DLC1: variants seen among roughly 807,000 people sequenced by gnomAD.
The protein encoded by DLC1 is DLC1 Rho GTPase activating protein.
In DLC1, 54 loss-of-function variants were observed where a neutral mutation model predicts 140.3. That is an observed-to-expected ratio of 0.38 (90% CI 0.31 to 0.48). DLC1 has a LOEUF of 0.48. Among genes scored for constraint, DLC1 ranks in the 20% least tolerant of loss-of-function variants. The pLI is 0.96. For missense variants in DLC1, 2,536 were observed against 1,907.0 expected (o/e 1.33, Z -6.14); for synonymous variants, 986 against 728.1 (o/e 1.35, Z -5.70).
At chr8:13,364,524 C>T (rs1835390704) in intron 4 of DLC1, among the ~76,000 whole-genome samples, 1 of 152,072 alleles carries the variant, frequency 6.6e-6, no homozygotes, top group Admixed American at 6.6e-5. Flanking sequence ...CTCGAACTCC[C>T]AACCTCAGGT....
chr8:13,228,324 G>A (rs976752114), intron 5 of DLC1, among the ~76,000 whole-genome samples: 1 of 150,460 alleles, frequency 6.6e-6, no homozygotes, highest in South Asian at 2.1e-4. Flanking sequence ...ACACTTAGCA[G>A]GGAACATCTA....
chr8:13,427,514 G>C (rs2117376295), intron 2 of DLC1, among the ~76,000 whole-genome samples: 1 of 152,274 alleles, frequency 6.6e-6, no homozygotes, highest in East Asian at 1.9e-4. Flanking sequence ...CCCTGGATCT[G>C]TTTCTGTCTC....
At chr8:13,385,801 G>A (rs1359282765) in intron 4 of DLC1, among the ~76,000 whole-genome samples, 1 of 152,146 alleles carries the variant, frequency 6.6e-6, no homozygotes, top group Non-Finnish European at 1.5e-5. Flanking sequence ...GACTTTAACT[G>A]TCTTTAAGAC....
chr8:13,182,259 A>G lies in DLC1; in HGVS notation c.1349-66602T>C, dbSNP rs960564533. On this transcript the variant is annotated intron_variant, in intron 5 of 17. Coordinates refer to ENST00000276297, the MANE Select transcript of DLC1 (RefSeq NM_182643.3). ...GGGTAGATTGCAAAAATTTTCTCTT[A>G]TTCTGTAGGTTGCCTATTCACTCTG... is the stretch of plus-strand genomic sequence containing the variant. Among the ~76,000 whole-genome samples, 4 of 151,496 alleles carry G rather than the reference A, an allele frequency of 2.6e-5. No homozygotes were observed. The East Asian group carries it at 7.8e-4, about 29-fold the overall frequency.
At chr8:13,346,034 T>C (rs1161158700) in intron 4 of DLC1, among the ~76,000 whole-genome samples, 4 of 152,220 alleles carry the variant, frequency 2.6e-5, no homozygotes. Context: ...TTTTGCACTG[T>C]GCATTTGTCG....
intron 1 of DLC1, among the ~76,000 whole-genome samples, chr8:13,601,959 A>C (rs1466754562): frequency 6.6e-6 from 1 of 151,820 alleles, no homozygotes; most frequent in Non-Finnish European, 1.5e-5. Flanking sequence ...TTTCCAATTA[A>C]AATATATGGC....
rs747457472 is a variant in DLC1 at position 13,100,050 on chromosome 8, G to A, written c.2287C>T (p.Arg763Trp). ...CGCTTGTTGCACGCACTGAGGCTCCGGGTCCTCGTAACAGGGCTGGGCGTG... is the reference window on the plus strand; with the variant it reads ...CGCTTGTTGCACGCACTGAGGCTCCAGGTCCTCGTAACAGGGCTGGGCGTG... ...VSTPSPVTRT[R>W]SLSACNKRVG... is the part of the protein sequence containing the mutation. Residue 763 changes from arginine to tryptophan, a missense_variant, in exon 9 of 18, where the codon CGG (arginine) becomes TGG (tryptophan). Physicochemically the swap from Arg to Trp is moderately radical, Grantham distance 101. Coordinates refer to ENST00000276297, the MANE Select transcript of DLC1 (RefSeq NM_182643.3). 3.2e-5 allele frequency: 51 copies of A among 1,613,036 alleles called. 1 individual carries two copies. In the South Asian group the frequency reaches 5.1e-4, roughly 16 times the overall value.
intron 4 of DLC1, among the ~76,000 whole-genome samples, chr8:13,332,677 C>T (rs1833647509): frequency 6.6e-6 from 1 of 152,098 alleles, no homozygotes; most frequent in African/African-American, 2.4e-5. Context: ...AAGTGAAACG[C>T]CCGACTTGGC....
intron 2 of DLC1, among the ~76,000 whole-genome samples, chr8:13,412,748 C>T (rs1363584451): frequency 4.6e-5 from 7 of 151,746 alleles, no homozygotes; most frequent in South Asian, 2.1e-4. Context: ...CTGGCTAACA[C>T]GGTGAAACCC....
chr8:13,503,387 G>T (rs1487308727), intron 1 of DLC1, among the ~76,000 whole-genome samples: 1 of 151,698 alleles, frequency 6.6e-6, no homozygotes, highest in Non-Finnish European at 1.5e-5. Flanking sequence ...CTGGGTGATA[G>T]AGCAAAAAAA....
intron 5 of DLC1, among the ~76,000 whole-genome samples, chr8:13,270,417 C>T (rs1368351147): frequency 6.6e-6 from 1 of 152,134 alleles, no homozygotes; most frequent in Non-Finnish European, 1.5e-5. Context: ...TTTCCCATAC[C>T]ACAGCTGAGC....
At chr8:13,260,811 A>T (rs946976386) in intron 5 of DLC1, among the ~76,000 whole-genome samples, 4 of 152,226 alleles carry the variant, frequency 2.6e-5, no homozygotes, top group Admixed American at 1.3e-4. Flanking sequence ...AACTGATTCA[A>T]ATAGCTTCTG....
At chr8:13,286,249 C>G (rs12542364) in intron 5 of DLC1, among the ~76,000 whole-genome samples, 25 of 152,204 alleles carry the variant, frequency 1.6e-4, no homozygotes, top group Admixed American at 9.8e-4. Context: ...AGATGTATGA[C>G]TTCACAGGGA....
At chr8:13,519,993 G>A (rs1475031817) in intron 1 of DLC1, among the ~76,000 whole-genome samples, 1 of 152,166 alleles carries the variant, frequency 6.6e-6, no homozygotes, top group Non-Finnish European at 1.5e-5. Flanking sequence ...GAGAGGATGT[G>A]GAGAAATAGG....
chr8:13,217,343 A>G (rs537998783), intron 5 of DLC1, among the ~76,000 whole-genome samples: 6 of 152,144 alleles, frequency 3.9e-5, no homozygotes, highest in African/African-American at 1.4e-4. Flanking sequence ...ATTAATATCA[A>G]CAATTCATGA....
At chr8:13,539,357 A>G (rs1355510704) in intron 1 of DLC1, among the ~76,000 whole-genome samples, 1 of 151,936 alleles carries the variant, frequency 6.6e-6, no homozygotes, top group East Asian at 1.9e-4. Context: ...ACGCCACCAC[A>G]CCCAGCTAAT....
In DLC1 at chr8:13,504,711, A is replaced by C. The variant is rs1801975953; in HGVS notation, c.-125-4515T>G. On this transcript the variant is annotated intron_variant, in intron 1 of 17. Transcript: ENST00000276297. Reference sequence around the variant, plus strand: ...TAACAGTGCAGGGAAGACGACAGGCAAATACGACTTCAAAATTTGGATGGG... The same window carrying C: ...TAACAGTGCAGGGAAGACGACAGGCCAATACGACTTCAAAATTTGGATGGG... 3.3e-5 allele frequency among the ~76,000 whole-genome samples: 5 copies of C among 152,192 alleles called. No homozygotes were observed. The South Asian group carries it at 1.0e-3, about 31-fold the overall frequency.
At chr8:13,442,702 A>G (rs554414415) in intron 2 of DLC1, among the ~76,000 whole-genome samples, 2 of 152,304 alleles carry the variant, frequency 1.3e-5, no homozygotes, top group East Asian at 3.9e-4. Flanking sequence ...AAGTCAGGAA[A>G]CAACAGTGCT....
intron 4 of DLC1, among the ~76,000 whole-genome samples, chr8:13,364,065 A>G (rs1835369520): frequency 6.6e-6 from 1 of 152,154 alleles, no homozygotes; most frequent in African/African-American, 2.4e-5. Flanking sequence ...GTGCACACGC[A>G]TGCATGTGAC....
Sources: allele counts gnomAD v4.1 joint callset (sites outside exome capture counted in the v4.1 genomes callset), GRCh38; gene constraint gnomAD v4.1.1; transcripts MANE v1.5; gene names NCBI Gene and HGNC (gene_info 2026-07-23, HGNC 2026-07-21).